The following PRRG1 variants were observed in gnomAD, a reference collection of about 807,000 sequenced individuals.
PRRG1 encodes the protein transmembrane gamma-carboxyglutamic acid protein 1.
A neutral mutation model predicts 11.8 loss-of-function variants in PRRG1; 5 were observed. The ratio of observed to expected loss-of-function variants is 0.42; its 90% CI spans 0.22 to 0.89. The LOEUF is 0.89. PRRG1 is among the 40% of genes least tolerant of loss of function. The pLI, the probability that PRRG1 is intolerant of heterozygous loss-of-function variation, is 0.28. For missense variants in PRRG1, 155 were observed against 166.1 expected (o/e 0.93, Z 0.37); for synonymous variants, 66 against 60.4 (o/e 1.09, Z -0.43).
chrX:37,449,018 C>G (rs374176402), intron 3 of PRRG1, among the ~76,000 whole-genome samples: 1 of 111,528 alleles, frequency 9.0e-6, no homozygotes, highest in Non-Finnish European at 1.9e-5. Context: ...GAAATTGACC[C>G]AAAGATGTTC....
intron 1 of PRRG1, among the ~76,000 whole-genome samples, chrX:37,399,907 G>A (rs1661199519): frequency 9.0e-6 from 1 of 110,679 alleles, no homozygotes; most frequent in Admixed American, 9.6e-5. Flanking sequence ...AATGGTAAAA[G>A]GATCAATTCA....
In PRRG1 at chrX:37,457,180, C is replaced by T. The variant is rs1438078910; in HGVS notation, c.*3559C>T. 9.0e-6 allele frequency: 1 copy of T among 111,554 alleles called. No homozygotes were observed. Among genetic ancestry groups the T allele is most frequent in the East Asian group, 2.8e-4 (1 of 3,590 alleles). 9.2% of individuals were successfully genotyped at this position (111,554 alleles called of 1,213,427 possible). On this transcript the variant is annotated 3_prime_UTR_variant, in exon 4 of 4. Transcript: ENST00000378628. ...TTATAATATTTCTCATTTTAAGATG[C>T]TTGGTTTACATTAAATTATGGTATT...
rs782659619 is a variant in PRRG1, at chrX:37,453,569, C to G, written c.605C>G (p.Ser202Cys). 8.3e-7 allele frequency: 1 copy of G among 1,205,854 alleles called. No individual in the cohort carries two copies. Among genetic ancestry groups the G allele is most frequent in the Non-Finnish European group, 1.1e-6 (1 of 892,149 alleles). Residue 202 changes from serine to cysteine, a missense_variant, in exon 4 of 4, where the codon TCC becomes TGC. Transcript: ENST00000378628. ...PPPEYEDIVN[S>C]NSASAIPMVP... ...CCAGAGTATGAGGACATAGTCAACT[C>G]CAACTCAGCCAGTGCCATTCCTATG...
At chrX:37,367,256 G>A (rs1930603564) in intron 1 of PRRG1, among the ~76,000 whole-genome samples, 1 of 111,585 alleles carries the variant, frequency 9.0e-6, no homozygotes, top group Non-Finnish European at 1.9e-5. Context: ...GGCATTTAAG[G>A]CATTTTTGCC....
intron 2 of PRRG1, among the ~76,000 whole-genome samples, chrX:37,412,985 G>A (rs1335245228): frequency 3.6e-5 from 4 of 111,079 alleles, no homozygotes; most frequent in African/African-American, 1.3e-4. Context: ...GTTACAAAAT[G>A]TACTAAAGGT....
At chrX:37,446,267 C>G (rs975681407) in intron 3 of PRRG1, among the ~76,000 whole-genome samples, 1 of 111,789 alleles carries the variant, frequency 8.9e-6, no homozygotes, top group African/African-American at 3.3e-5. Flanking sequence ...TAAGGCAATA[C>G]TGAATTTTTT....
chrX:37,418,272 C>G (rs1236402554), intron 2 of PRRG1, among the ~76,000 whole-genome samples: 1 of 112,204 alleles, frequency 8.9e-6, no homozygotes, highest in African/African-American at 3.2e-5. Context: ...GATATTGGCT[C>G]TCTTAGACTT....
intron 1 of PRRG1, among the ~76,000 whole-genome samples, chrX:37,393,032 C>T (rs1931593891): frequency 9.0e-6 from 1 of 111,011 alleles, no homozygotes; most frequent in Non-Finnish European, 1.9e-5. Context: ...ACTGAATTTG[C>T]TACATATTAC....
rs1251173827 is a variant in PRRG1, at chrX:37,455,097, C to T, written c.*1476C>T. 8.1e-5 allele frequency: 9 copies of T among 111,382 alleles called. No individual in the cohort carries two copies. The Admixed American group carries it at 8.6e-4, about 11-fold the overall frequency. 9.2% of individuals were successfully genotyped at this position (111,382 alleles called of 1,213,427 possible). ...AGCTCCATCCCTACAGACTCCTCCCCGAGTCCTGCCCTGGAACCAAAGGAA... is the reference window on the plus strand; with the variant it reads ...AGCTCCATCCCTACAGACTCCTCCCTGAGTCCTGCCCTGGAACCAAAGGAA... On this transcript the variant is annotated 3_prime_UTR_variant, in exon 4 of 4. Transcript: ENST00000378628.
intron 3 of PRRG1, among the ~76,000 whole-genome samples, chrX:37,432,640 C>G (rs1932844047): frequency 8.9e-6 from 1 of 112,031 alleles, no homozygotes; most frequent in African/African-American, 3.2e-5. Flanking sequence ...AGAAAACTCT[C>G]TTAACACATC....
rs185896251 is a variant in PRRG1, at chrX:37,445,479, A to G, written c.172-7657A>G. 2.5e-3 allele frequency among the ~76,000 whole-genome samples: 275 copies of G among 112,150 alleles called. 2 individuals carry two copies. Among genetic ancestry groups the G allele is most frequent in the African/African-American group, 8.6e-3 (265 of 30,847 alleles). The stretch of plus-strand genomic sequence containing the variant: ...CACTGCTTTAGCATCCTGGTTCTCT[A>G]CCTAGCTGTACCTTGGGATAACCTG... On this transcript the variant is annotated intron_variant, in intron 3 of 3. Coordinates refer to ENST00000378628, the MANE Select transcript of PRRG1 (RefSeq NM_001142395.2).
chrX:37,371,471 G>A (rs1556370794), intron 1 of PRRG1, among the ~76,000 whole-genome samples: 1 of 112,557 alleles, frequency 8.9e-6, no homozygotes, highest in Non-Finnish European at 1.9e-5. Context: ...ACACAAACAG[G>A]GCTGAAACAC....
intron 3 of PRRG1, chrX:37,441,719 A>G: frequency 1.3e-6 from 1 of 792,076 alleles, no homozygotes; most frequent in Admixed American, 5.9e-5. Flanking sequence ...AAGAGGGAGC[A>G]CGTCCAGGAG....
chrX:37,360,066 A>G (rs1374564761), intron 1 of PRRG1, among the ~76,000 whole-genome samples: 1 of 111,351 alleles, frequency 9.0e-6, no homozygotes, highest in Non-Finnish European at 1.9e-5. Flanking sequence ...TGGCAAGTTT[A>G]TTGAATTCAT....
At chrX:37,407,286 A>G (rs1250581932) in intron 2 of PRRG1, among the ~76,000 whole-genome samples, 1 of 112,029 alleles carries the variant, frequency 8.9e-6, no homozygotes, top group Non-Finnish European at 1.9e-5. Context: ...AATAGCAATG[A>G]GGAAGAGTGT....
intron 1 of PRRG1, among the ~76,000 whole-genome samples, chrX:37,358,016 A>G (rs781882046): frequency 1.3e-4 from 14 of 111,017 alleles, no homozygotes; most frequent in African/African-American, 4.3e-4. Context: ...TGGGCTTTCC[A>G]TATGTTTATT....
At position 37,442,761 on chromosome X, in the gene PRRG1, G is replaced by A. The variant is rs782126841; in HGVS notation, c.172-10375G>A. On this transcript the variant is annotated intron_variant, in intron 3 of 3. Transcript: ENST00000378628. The stretch of plus-strand genomic sequence containing the variant: ...GCAAGGCAGAGTACCTCTTTGGCAA[G>A]CTCACCCAGAGTGACAGTGATAATG... 4.5e-5 allele frequency among the ~76,000 whole-genome samples: 5 copies of A among 111,277 alleles called. No individual in the cohort carries two copies. The East Asian group carries it at 1.4e-3, about 31-fold the overall frequency.
intron 2 of PRRG1, among the ~76,000 whole-genome samples, chrX:37,415,221 C>G (rs1932460824): frequency 9.0e-6 from 1 of 111,586 alleles, no homozygotes; most frequent in South Asian, 3.8e-4. Flanking sequence ...CCAGCCTGAC[C>G]AACATGGCGA....
chrX:37,453,270 G>C lies in PRRG1; in HGVS notation c.306G>C (p.Trp102Cys). The C allele has an allele frequency of 8.3e-7, 1 of 1,210,071 alleles. No individual in the cohort carries two copies. Among genetic ancestry groups the C allele is most frequent in the Middle Eastern group, 2.3e-4 (1 of 4,354 alleles). Residue 102 changes from tryptophan (W) to cysteine (C), a missense_variant, in exon 4 of 4, where the codon TGG becomes TGC. Coordinates refer to ENST00000378628, the MANE Select transcript of PRRG1 (RefSeq NM_001142395.2). ...TCCTCCTTGTCATTTTCCTAATCTG[G>C]AGATGCTTCCTAAGAAACAAAACTC... Reference protein sequence around the residue: ...FIILLVIFLIWRCFLRNKTRR... With the variant: ...FIILLVIFLICRCFLRNKTRR...
Sources: allele counts gnomAD v4.1 joint callset (sites outside exome capture counted in the v4.1 genomes callset), GRCh38; gene constraint gnomAD v4.1.1; transcripts MANE v1.5; gene names NCBI Gene and HGNC (gene_info 2026-07-23, HGNC 2026-07-21).